The following ANKRD13B variants were observed in gnomAD, a reference collection of about 807,000 sequenced individuals.
ANKRD13B encodes the protein ankyrin repeat domain 13B, also known as ankyrin repeat domain-containing protein 13B.
In ANKRD13B, 33 loss-of-function variants were observed where a neutral mutation model predicts 74.4. That is an observed-to-expected ratio of 0.44 (90% CI 0.34 to 0.59). The LOEUF is 0.59. ANKRD13B is among the 20% of genes least tolerant of loss of function. The probability of loss-of-function intolerance (pLI) is 0.02; values close to 1 mark genes in which losing one functional copy is unlikely to be tolerated. For synonymous variants in ANKRD13B, 341 were observed against 362.9 expected (o/e 0.94, Z 0.68); for missense variants, 676 against 877.9 (o/e 0.77, Z 2.91).
chr17:29,611,507 C>A lies in ANKRD13B; in HGVS notation c.905-72C>A. 6.6e-7 allele frequency: 1 copy of A among 1,515,128 alleles called. No individual in the cohort carries two copies. Among genetic ancestry groups the A allele is most frequent in the Non-Finnish European group, 9.2e-7 (1 of 1,091,598 alleles). The allele number at this position is 1,515,128 out of a possible 1,614,324, so 93.9% of individuals were successfully genotyped here. On this transcript the variant is annotated intron_variant, in intron 8 of 14. Coordinates refer to ENST00000394859, the MANE Select transcript of ANKRD13B (RefSeq NM_152345.5). This position sits in a 1 kb window ranked among gnomAD's most constrained non-coding sequence, Gnocchi z 4.3. Reference sequence around the variant, plus strand: ...CGGCCTCCTCCCTAGGTCTTGGGTGCTGTCACCTCTGATGAGGTGCCCAGG... The same window carrying A: ...CGGCCTCCTCCCTAGGTCTTGGGTGATGTCACCTCTGATGAGGTGCCCAGG...
At chr17:29,606,491 G>A (rs558158841) in intron 1 of ANKRD13B, among the ~76,000 whole-genome samples, 4 of 151,960 alleles carry the variant, frequency 2.6e-5, no homozygotes, top group African/African-American at 9.6e-5. Flanking sequence ...CTGGGAGGCG[G>A]AAGTTGCAAT....
chr17:29,602,908 G>A (rs2034233639), intron 1 of ANKRD13B, among the ~76,000 whole-genome samples: 1 of 152,206 alleles, frequency 6.6e-6, no homozygotes, highest in African/African-American at 2.4e-5. Context: ...CTGGAGTGCA[G>A]TGACACGATC....
intron 1 of ANKRD13B, among the ~76,000 whole-genome samples, chr17:29,602,844 T>A (rs2034231031): frequency 2.0e-5 from 3 of 152,174 alleles, no homozygotes; most frequent in Admixed American, 2.0e-4. Context: ...GTTCTTTCTT[T>A]CTTTTATTAT....
Position 29,611,626 on chromosome 17 carries a change from G to A in ANKRD13B, c.952G>A (p.Gly318Arg), listed in dbSNP as rs768590713. 3.1e-6 allele frequency: 5 copies of A among 1,614,110 alleles called. No individual in the cohort carries two copies. The highest frequency in any genetic ancestry group is 1.7e-4 in the Middle Eastern group (1 of 6,058). Reference protein sequence around the residue: ...QSFLGIAEQHGGPQNGTLITQ... With the variant: ...QSFLGIAEQHRGPQNGTLITQ... ...CTTCCTGGGAATCGCTGAGCAGCAC[G>A]GGGGCCCCCAAAATGGGGTGAGTGT... The change falls in exon 9 of 15, where the codon GGG becomes AGG. Residue 318 changes from glycine (G) to arginine (R), a missense_variant. By Grantham distance (125) the Gly-to-Arg change is moderately radical. Transcript: ENST00000394859. The surrounding 1 kb of genome is among the most constrained non-coding windows in gnomAD (Gnocchi z 4.3).
At chr17:29,599,803 A>G (rs2034087136) in intron 1 of ANKRD13B, among the ~76,000 whole-genome samples, 2 of 150,678 alleles carry the variant, frequency 1.3e-5, no homozygotes, top group African/African-American at 2.5e-5. Context: ...GTTTTCCCCC[A>G]AAGAGTTTTC....
Position 29,613,494 on chromosome 17 carries a change from C to T in ANKRD13B, c.1793C>T (p.Ala598Val). ...CTGCGGCTGGCGATGGAACTGTCGG[C>T]GCAGGAGCAGGAGGAGAGGCGGCGG... ...EQLRLAMELS[A>V]QEQEERRRRA... Residue 598 changes from alanine (A) to valine (V), a missense_variant, in exon 15 of 15, where the codon GCG becomes GTG. Transcript: ENST00000394859. 1 of 1,531,956 alleles carries T rather than the reference C, an allele frequency of 6.5e-7. No homozygotes were observed. Among genetic ancestry groups the T allele is most frequent in the Non-Finnish European group, 8.8e-7 (1 of 1,141,328 alleles). The allele number at this position is 1,531,956 out of a possible 1,614,324, so 94.9% of individuals were successfully genotyped here.
rs1236284432 is a variant in ANKRD13B at position 29,613,517 on chromosome 17, C to T, written c.1816C>T (p.Arg606Trp). Residue 606 changes from arginine to tryptophan, a missense_variant, in exon 15 of 15, where the codon CGG becomes TGG. This residue lies in a region of ANKRD13B where 108 missense variants were observed against 90.3 expected (regional missense o/e 1.20). Coordinates refer to ENST00000394859, the MANE Select transcript of ANKRD13B (RefSeq NM_152345.5). ...GGCGCAGGAGCAGGAGGAGAGGCGG[C>T]GGCGCGCGCGCCAGGAGGAGGAGGA... The part of the protein sequence containing the change: ...LSAQEQEERR[R>W]RARQEEEELE... 12 of 1,525,292 alleles carry T rather than the reference C, an allele frequency of 7.9e-6. No individual in the cohort carries two copies. In the Middle Eastern group the frequency reaches 5.5e-4, roughly 70 times the overall value. 94.5% of individuals were successfully genotyped at this position (1,525,292 alleles called of 1,614,324 possible).
rs2033833112 is a variant in ANKRD13B at position 29,593,372 on chromosome 17, C to A, written c.-250C>A. The A allele has an allele frequency of 1.4e-5, 2 of 147,276 alleles. No individual in the cohort carries two copies. Among genetic ancestry groups the A allele is most frequent in the South Asian group, 1.9e-4 (1 of 5,348 alleles). 9.1% of individuals were successfully genotyped at this position (147,276 alleles called of 1,614,324 possible). ...AGTCCGCGCAGCGCCGCCGAGTGCC[C>A]GCTCCCTCCCAGGGCGGGTGGGGGC... is the stretch of plus-strand genomic sequence containing the variant. On this transcript the variant is annotated 5_prime_UTR_variant, in exon 1 of 15. Coordinates refer to ENST00000394859, the MANE Select transcript of ANKRD13B (RefSeq NM_152345.5).
intron 2 of ANKRD13B, 45 bp downstream of exon 2, chr17:29,607,922 A>G (rs370617698): frequency 5.7e-6 from 9 of 1,578,510 alleles, no homozygotes; most frequent in Middle Eastern, 1.7e-4. Flanking sequence ...GGGCCTCCCC[A>G]GCATCATAGA....
intron 1 of ANKRD13B, among the ~76,000 whole-genome samples, chr17:29,606,196 C>T (rs1165482681): frequency 6.6e-6 from 1 of 151,330 alleles, no homozygotes; most frequent in African/African-American, 2.4e-5. Flanking sequence ...CAGGCGTGAG[C>T]TACCGCGCCT....
chr17:29,596,387 A>G (rs1236028888), intron 1 of ANKRD13B, among the ~76,000 whole-genome samples: 1 of 152,250 alleles, frequency 6.6e-6, no homozygotes, highest in African/African-American at 2.4e-5. Context: ...GTTCTCTGCC[A>G]GGTCGGGGGG....
intron 1 of ANKRD13B, among the ~76,000 whole-genome samples, chr17:29,602,237 T>C (rs971241832): frequency 6.6e-6 from 1 of 151,470 alleles, no homozygotes; most frequent in Non-Finnish European, 1.5e-5. Flanking sequence ...CTACTAAAAA[T>C]ACAAAAAATT....
chr17:29,593,407 C>A lies in ANKRD13B; in HGVS notation c.-215C>A. The A allele has an allele frequency of 6.8e-6, 1 of 146,664 alleles. No homozygotes were observed. Among genetic ancestry groups the A allele is most frequent in the South Asian group, 1.8e-4 (1 of 5,416 alleles). 9.1% of individuals were successfully genotyped at this position (146,664 alleles called of 1,614,324 possible). A position where few individuals can be genotyped will look rare whatever the true frequency, so the allele number is the denominator to read the frequency against. On this transcript the variant is annotated 5_prime_UTR_variant, in exon 1 of 15. Coordinates refer to ENST00000394859, the MANE Select transcript of ANKRD13B (RefSeq NM_152345.5). Reference sequence around the variant, plus strand: ...CAGGGCGGGTGGGGGCCTCTCCGCGCCGCCCGCCGCCGCCGCCTCGCGAGG... The same window carrying A: ...CAGGGCGGGTGGGGGCCTCTCCGCGACGCCCGCCGCCGCCGCCTCGCGAGG...
intron 1 of ANKRD13B, among the ~76,000 whole-genome samples, chr17:29,599,200 G>C (rs9674809): frequency 6.6e-6 from 1 of 152,126 alleles, no homozygotes; most frequent in Non-Finnish European, 1.5e-5. Flanking sequence ...AGAACGTTCC[G>C]GGGAAGGCCA....
intron 1 of ANKRD13B, among the ~76,000 whole-genome samples, chr17:29,603,976 C>T (rs1295470300): frequency 5.3e-5 from 8 of 150,360 alleles, no homozygotes; most frequent in African/African-American, 1.2e-4. Context: ...CTCCTGACCT[C>T]GTGATCCACC....
chr17:29,604,763 G>A (rs1403994406), intron 1 of ANKRD13B, among the ~76,000 whole-genome samples: 1 of 151,846 alleles, frequency 6.6e-6, no homozygotes, highest in Admixed American at 6.6e-5. Flanking sequence ...GGCTGGTCTT[G>A]AACTCCTGAC....
At chr17:29,598,073 C>G (rs1379483368) in intron 1 of ANKRD13B, among the ~76,000 whole-genome samples, 1 of 152,184 alleles carries the variant, frequency 6.6e-6, no homozygotes, top group Admixed American at 6.5e-5. Flanking sequence ...GTGGCCCTCT[C>G]CCACTCCCGC....
chr17:29,596,075 C>T (rs1004252373), intron 1 of ANKRD13B, among the ~76,000 whole-genome samples: 4 of 152,240 alleles, frequency 2.6e-5, no homozygotes, highest in African/African-American at 7.2e-5. Context: ...AGAAACAGCT[C>T]GGCTTTCCTC....
chr17:29,611,978 C>G lies in ANKRD13B; in HGVS notation c.1072C>G (p.Pro358Ala). The change falls in exon 10 of 15, where the codon CCC becomes GCC. Residue 358 changes from proline (P) to alanine (A), a missense_variant. Transcript: ENST00000394859. The surrounding 1 kb of genome is among the most constrained non-coding windows in gnomAD (Gnocchi z 4.3). ...FELGNRDMGRPMELTTKTQKF... is the reference protein window; with the variant it reads ...FELGNRDMGRAMELTTKTQKF... ...GCTGGGCAACCGTGATATGGGCCGC[C>G]CCATGGAACTGACCACCAAGACACA... 6.2e-7 allele frequency: 1 copy of G among 1,613,642 alleles called. No individual in the cohort carries two copies. Among genetic ancestry groups the G allele is most frequent in the Non-Finnish European group, 8.5e-7 (1 of 1,179,782 alleles).
Sources: allele counts gnomAD v4.1 joint callset (sites outside exome capture counted in the v4.1 genomes callset), GRCh38; gene constraint gnomAD v4.1.1; regional missense constraint gnomAD v4.1.1; non-coding constraint Gnocchi (gnomAD v3.1); transcripts MANE v1.5; gene names NCBI Gene and HGNC (gene_info 2026-07-23, HGNC 2026-07-21).